Variants in KCNIP4 observed in about 807,000 individuals in gnomAD.
KCNIP4 encodes the protein Kv channel-interacting protein 4.
In KCNIP4, 12 loss-of-function variants were observed where a neutral mutation model predicts 34.0. The observed-to-expected ratio is 0.35, with a 90% CI of 0.23 to 0.57. The LOEUF (loss-of-function observed/expected upper bound fraction) is 0.57, where lower values mean the gene tolerates loss of function less well. Ranked by LOEUF, KCNIP4 falls within the 20% of genes least tolerant of loss-of-function variation. The pLI is 0.83. For synonymous variants in KCNIP4, 124 were observed against 102.2 expected, an observed-to-expected ratio of 1.21 and a Z score of -1.29; for missense variants, 238 against 311.7, an observed-to-expected ratio of 0.76 and a Z score of 1.78.
intron 3 of KCNIP4, among the ~76,000 whole-genome samples, chr4:20,802,806 T>G (rs1714502702): frequency 6.6e-6 from 1 of 152,178 alleles, no homozygotes; most frequent in South Asian, 2.1e-4. Flanking sequence ...CCGAGCGTGG[T>G]GGCTCACGCC....
At chr4:20,917,107 G>A (rs1483562159) in intron 1 of KCNIP4, among the ~76,000 whole-genome samples, 19 of 144,248 alleles carry the variant, frequency 1.3e-4, no homozygotes, top group African/African-American at 4.6e-4. Flanking sequence ...GCACAATCTC[G>A]GCTCACTGCA....
At chr4:21,318,814 C>A (rs572485808) in intron 1 of KCNIP4, among the ~76,000 whole-genome samples, 1 of 151,786 alleles carries the variant, frequency 6.6e-6, no homozygotes, top group Non-Finnish European at 1.5e-5. Context: ...TAGTAAAAAC[C>A]CTCTTGGGTT....
chr4:21,185,513 TCTC>T (rs1755150997), intron 1 of KCNIP4, among the ~76,000 whole-genome samples: 1 of 151,856 alleles, frequency 6.6e-6, no homozygotes, highest in African/African-American at 2.4e-5. Flanking sequence ...TCTTTTTCCT[TCTC>T]CTTCTTCTAA....
chr4:21,081,984 T>C (rs994718258), intron 1 of KCNIP4, among the ~76,000 whole-genome samples: 9 of 151,832 alleles, frequency 5.9e-5, no homozygotes, highest in African/African-American at 2.2e-4. Flanking sequence ...ATGGTACTAA[T>C]CCAACACTGA....
At chr4:21,828,893 G>A (rs1280773390) in intron 1 of KCNIP4, among the ~76,000 whole-genome samples, 3 of 151,836 alleles carry the variant, frequency 2.0e-5, no homozygotes, top group Non-Finnish European at 2.9e-5. Context: ...CCCAATGAGA[G>A]CTTTGCAATG....
intron 1 of KCNIP4, among the ~76,000 whole-genome samples, chr4:21,821,199 C>A (rs1331199858): frequency 6.6e-6 from 1 of 152,034 alleles, no homozygotes; most frequent in Non-Finnish European, 1.5e-5. Context: ...AGGTAGATAA[C>A]CTGACCTGCA....
intron 1 of KCNIP4, among the ~76,000 whole-genome samples, chr4:21,111,229 G>T (rs1171626976): frequency 1.3e-5 from 2 of 152,156 alleles, no homozygotes; most frequent in African/African-American, 4.8e-5. Flanking sequence ...GAGAACATAG[G>T]AGAAAGAGAG....
Position 20,983,756 on chromosome 4 carries a change from C to G in KCNIP4, c.62-101047G>C, listed in dbSNP as rs914188140. ...TAAGGCTTCTTAACTTCTGCAGCAT[C>G]TGTATCTACTTCTAAACCAGACCTG... is the stretch of plus-strand genomic sequence containing the variant. On this transcript the variant is annotated intron_variant, in intron 1 of 8. Transcript: ENST00000382152. 2.9e-6 allele frequency: 4 copies of G among 1,365,786 alleles called. No homozygotes were observed. The African/African-American group carries it at 5.8e-5, about 20-fold the overall frequency. 84.6% of individuals were successfully genotyped at this position (1,365,786 alleles called of 1,614,324 possible). A position where few individuals can be genotyped will look rare whatever the true frequency, so the allele number is the denominator to read the frequency against.
chr4:21,247,930 T>C lies in KCNIP4; in HGVS notation c.62-365221A>G, dbSNP rs868410700. The stretch of plus-strand genomic sequence containing the variant: ...ATATACACACACACACATATATATA[T>C]ACACACATATATATATACACACACA... On this transcript the variant is annotated intron_variant, in intron 1 of 8. Coordinates refer to ENST00000382152, the MANE Select transcript of KCNIP4 (RefSeq NM_025221.6). 1.5e-4 allele frequency among the ~76,000 whole-genome samples: 18 copies of C among 120,260 alleles called. No homozygotes were observed. In the East Asian group the frequency reaches 2.1e-3, roughly 14 times the overall value. 78.9% of individuals were successfully genotyped at this position (120,260 alleles called of 152,430 possible).
chr4:21,517,274 A>G lies in KCNIP4; in HGVS notation c.61+431297T>C, dbSNP rs374016494. 2.4e-4 allele frequency among the ~76,000 whole-genome samples: 37 copies of G among 152,248 alleles called. No homozygotes were observed. The East Asian group carries it at 3.5e-3, about 14-fold the overall frequency. On this transcript the variant is annotated intron_variant, in intron 1 of 8. Coordinates refer to ENST00000382152, the MANE Select transcript of KCNIP4 (RefSeq NM_025221.6). ...GGGATCCAGGACCCCCTTCCTGTAA[A>G]TAACCATAAACACAGGTATGAAGTA...
chr4:21,238,145 T>C (rs564973632), intron 1 of KCNIP4, among the ~76,000 whole-genome samples: 67 of 152,244 alleles, frequency 4.4e-4, no homozygotes, highest in African/African-American at 1.5e-3. Context: ...ATTACCTCAA[T>C]AGATGCAGAA....
chr4:21,045,471 T>A (rs1049788357), intron 1 of KCNIP4, among the ~76,000 whole-genome samples: 1 of 152,226 alleles, frequency 6.6e-6, no homozygotes, highest in Non-Finnish European at 1.5e-5. Flanking sequence ...CTTTCTTCCA[T>A]CTTTCATTAG....
At chr4:20,889,947 CATATT>C (rs1217890296) in intron 1 of KCNIP4, among the ~76,000 whole-genome samples, 1 of 151,894 alleles carries the variant, frequency 6.6e-6, no homozygotes, top group African/African-American at 2.4e-5. Context: ...TTATAATGTA[CATATT>C]ATAAGCATTA....
At chr4:21,641,596 C>T (rs1190161451) in intron 1 of KCNIP4, among the ~76,000 whole-genome samples, 1 of 152,140 alleles carries the variant, frequency 6.6e-6, no homozygotes, top group Admixed American at 6.6e-5. Context: ...GGATAGACAT[C>T]TCTGAATGGG....
intron 1 of KCNIP4, among the ~76,000 whole-genome samples, chr4:21,278,540 C>T (rs181055540): frequency 1.2e-4 from 18 of 152,258 alleles, no homozygotes; most frequent in Non-Finnish European, 1.9e-4. Flanking sequence ...TTTTTTATGG[C>T]TGCATAGTAT....
intron 1 of KCNIP4, chr4:21,613,350 C>A (rs1327316804): frequency 1.3e-5 from 2 of 152,182 alleles, no homozygotes; most frequent in African/African-American, 2.4e-5. Context: ...GGCCACCATG[C>A]ATGAGGACAT....
intron 1 of KCNIP4, among the ~76,000 whole-genome samples, chr4:21,249,798 G>A (rs796565218): frequency 6.6e-5 from 10 of 152,194 alleles, no homozygotes; most frequent in African/African-American, 1.9e-4. Flanking sequence ...ATGTTTTGGC[G>A]ATGAATATGT....
chr4:21,156,186 T>A (rs1007881904), intron 1 of KCNIP4, among the ~76,000 whole-genome samples: 1 of 152,198 alleles, frequency 6.6e-6, no homozygotes, highest in Non-Finnish European at 1.5e-5. Context: ...TCCTATTAGA[T>A]GGCAGCTGTA....
At chr4:21,010,298 A>G (rs1738955169) in intron 1 of KCNIP4, among the ~76,000 whole-genome samples, 1 of 152,232 alleles carries the variant, frequency 6.6e-6, no homozygotes, top group Admixed American at 6.5e-5. Flanking sequence ...GGATGTGACT[A>G]TAAAGTGATG....
Sources: allele counts gnomAD v4.1 joint callset (sites outside exome capture counted in the v4.1 genomes callset), GRCh38; gene constraint gnomAD v4.1.1; transcripts MANE v1.5; gene names NCBI Gene and HGNC (gene_info 2026-07-23, HGNC 2026-07-21).